Variants in GALNTL6 observed in about 807,000 individuals in gnomAD.
The protein encoded by GALNTL6 is polypeptide N-acetylgalactosaminyltransferase-like 6.
GALNTL6 carries 46 observed loss-of-function variants against 73.7 expected under a neutral mutation model. The observed-to-expected ratio is 0.62, with a 90% CI of 0.49 to 0.80. GALNTL6 has a LOEUF of 0.80. Ranked by LOEUF, GALNTL6 falls within the 30% of genes least tolerant of loss-of-function variation. The pLI is 0.00. For missense variants in GALNTL6, 604 were observed against 755.0 expected, an observed-to-expected ratio of 0.80 and a Z score of 2.34; for synonymous variants, 259 against 263.7, an observed-to-expected ratio of 0.98 and a Z score of 0.17.
intron 8 of GALNTL6, among the ~76,000 whole-genome samples, chr4:172,901,504 G>C (rs900969114): frequency 5.9e-5 from 9 of 152,086 alleles, no homozygotes; most frequent in African/African-American, 2.2e-4. Context: ...GGATAACTGA[G>C]AGTTTACTAG....
chr4:172,336,866 C>T (rs533344381), intron 4 of GALNTL6, among the ~76,000 whole-genome samples: 1 of 152,074 alleles, frequency 6.6e-6, no homozygotes, highest in African/African-American at 2.4e-5. Flanking sequence ...TCCACCCCGT[C>T]CATTATTGTA....
At chr4:172,686,484 A>C (rs1179844532) in intron 5 of GALNTL6, among the ~76,000 whole-genome samples, 3 of 152,206 alleles carry the variant, frequency 2.0e-5, no homozygotes, top group Non-Finnish European at 4.4e-5. Flanking sequence ...GATTCTGGTA[A>C]CTTAATTGTT....
intron 3 of GALNTL6, among the ~76,000 whole-genome samples, chr4:172,264,741 C>G (rs999189117): frequency 6.7e-6 from 1 of 149,704 alleles, no homozygotes; most frequent in Non-Finnish European, 1.5e-5. Flanking sequence ...ATCATTTATA[C>G]AGAATGATGT....
chr4:172,045,769 A>G (rs1421888993), intron 2 of GALNTL6, among the ~76,000 whole-genome samples: 3 of 151,774 alleles, frequency 2.0e-5, no homozygotes, highest in African/African-American at 4.8e-5. Flanking sequence ...GAACTAAAAA[A>G]AAAAAAGAAA....
chr4:172,299,323 T>G (rs1739815808), intron 3 of GALNTL6, among the ~76,000 whole-genome samples: 1 of 152,248 alleles, frequency 6.6e-6, no homozygotes, highest in Non-Finnish European at 1.5e-5. Flanking sequence ...AACCAGCTCC[T>G]GGATTCATTG....
At chr4:172,216,665 T>C (rs1280150535) in intron 2 of GALNTL6, among the ~76,000 whole-genome samples, 1 of 152,152 alleles carries the variant, frequency 6.6e-6, no homozygotes, top group Non-Finnish European at 1.5e-5. Context: ...TTGGATGTTC[T>C]TTTTTTCTCC....
At chr4:172,941,594 T>G (rs1748924686) in intron 9 of GALNTL6, among the ~76,000 whole-genome samples, 1 of 152,200 alleles carries the variant, frequency 6.6e-6, no homozygotes, top group African/African-American at 2.4e-5. Flanking sequence ...TTAATTGCAT[T>G]TTTATCATTA....
intron 9 of GALNTL6, among the ~76,000 whole-genome samples, chr4:172,935,455 A>G (rs1237842363): frequency 6.6e-6 from 1 of 152,114 alleles, no homozygotes; most frequent in Non-Finnish European, 1.5e-5. Context: ...GGAGATAGAG[A>G]TACCAAAAAA....
chr4:172,180,642 G>A (rs1017380898), intron 2 of GALNTL6, among the ~76,000 whole-genome samples: 9 of 152,016 alleles, frequency 5.9e-5, no homozygotes, highest in African/African-American at 1.2e-4. Flanking sequence ...GTAAGGAAGC[G>A]GTCCAGTTTC....
At chr4:172,841,787 G>A (rs1304611404) in intron 7 of GALNTL6, among the ~76,000 whole-genome samples, 2 of 152,192 alleles carry the variant, frequency 1.3e-5, no homozygotes, top group African/African-American at 4.8e-5. Context: ...TACATTTCCA[G>A]ATGAGATTTG....
intron 5 of GALNTL6, among the ~76,000 whole-genome samples, chr4:172,493,480 T>C (rs1021901939): frequency 1.3e-5 from 2 of 152,198 alleles, no homozygotes; most frequent in Non-Finnish European, 2.9e-5. Context: ...ACCAAATTCA[T>C]GAAGGTTACA....
chr4:171,885,429 T>C (rs1442408643), intron 2 of GALNTL6, among the ~76,000 whole-genome samples: 2 of 152,190 alleles, frequency 1.3e-5, no homozygotes, highest in Non-Finnish European at 2.9e-5. Flanking sequence ...TTTGGGGGAC[T>C]CTTCATTGGC....
At chr4:172,806,375 G>A (rs1740960102) in intron 5 of GALNTL6, among the ~76,000 whole-genome samples, 1 of 152,170 alleles carries the variant, frequency 6.6e-6, no homozygotes, top group African/African-American at 2.4e-5. Context: ...CGAAAAATAT[G>A]CAGTATCAGA....
At chr4:171,897,449 A>G (rs1736954267) in intron 2 of GALNTL6, among the ~76,000 whole-genome samples, 1 of 152,212 alleles carries the variant, frequency 6.6e-6, no homozygotes, top group African/African-American at 2.4e-5. Flanking sequence ...ATACAAACAC[A>G]CACAACAGAG....
intron 5 of GALNTL6, among the ~76,000 whole-genome samples, chr4:172,753,820 A>T (rs1560928598): frequency 6.6e-6 from 1 of 152,162 alleles, no homozygotes; most frequent in African/African-American, 2.4e-5. Flanking sequence ...TAATTTTTTT[A>T]AAAGAACAAA....
At chr4:172,763,571 G>C (rs1043966691) in intron 5 of GALNTL6, among the ~76,000 whole-genome samples, 2 of 152,154 alleles carry the variant, frequency 1.3e-5, no homozygotes, top group Admixed American at 6.5e-5. Flanking sequence ...TAATTACCTT[G>C]TATAAACATC....
chr4:172,234,290 C>T (rs143110942), intron 3 of GALNTL6, among the ~76,000 whole-genome samples: 1 of 152,180 alleles, frequency 6.6e-6, no homozygotes, highest in Non-Finnish European at 1.5e-5. Flanking sequence ...TGCAGTGTAA[C>T]ATTGAATAGT....
chr4:172,081,957 A>G (rs1731894223), intron 2 of GALNTL6, among the ~76,000 whole-genome samples: 1 of 151,568 alleles, frequency 6.6e-6, no homozygotes, highest in Admixed American at 6.6e-5. Flanking sequence ...GCTCACTGCA[A>G]TCTCTGCCTC....
chr4:172,473,172 A>G (rs1461511977), intron 5 of GALNTL6, among the ~76,000 whole-genome samples: 1 of 152,142 alleles, frequency 6.6e-6, no homozygotes, highest in Non-Finnish European at 1.5e-5. Flanking sequence ...TTGAAGGCCA[A>G]TCTACGCACT....
Sources: allele counts gnomAD v4.1 joint callset (sites outside exome capture counted in the v4.1 genomes callset), GRCh38; gene constraint gnomAD v4.1.1; transcripts MANE v1.5; gene names NCBI Gene and HGNC (gene_info 2026-07-23, HGNC 2026-07-21).